Variants in ZNF385D observed in about 807,000 individuals in gnomAD.
The protein encoded by ZNF385D is zinc finger protein 385D, also known as zinc finger protein 659.
In ZNF385D, 15 loss-of-function variants were observed where a neutral mutation model predicts 35.8. That is an observed-to-expected ratio of 0.42 (90% CI 0.28 to 0.64). The LOEUF (loss-of-function observed/expected upper bound fraction) is 0.64. ZNF385D is among the 30% of genes least tolerant of loss of function. The pLI, the probability that ZNF385D is intolerant of heterozygous loss-of-function variation, is 0.23. For missense variants in ZNF385D, 474 were observed against 494.6 expected, an observed-to-expected ratio of 0.96 and a Z score of 0.39; for synonymous variants, 212 against 186.8, an observed-to-expected ratio of 1.13 and a Z score of -1.10.
intron 2 of ZNF385D, among the ~76,000 whole-genome samples, chr3:22,276,251 CA>C (rs1469761912): frequency 1.3e-5 from 2 of 151,972 alleles, no homozygotes; most frequent in African/African-American, 2.4e-5. Context: ...CAGTCTTCAG[CA>C]AAAAAGTTCA....
At chr3:21,917,525 T>C (rs1281570738) in intron 3 of ZNF385D, among the ~76,000 whole-genome samples, 1 of 152,204 alleles carries the variant, frequency 6.6e-6, no homozygotes, top group African/African-American at 2.4e-5. Context: ...AGCATTAGAA[T>C]AGAGACCTAC....
intron 1 of ZNF385D, among the ~76,000 whole-genome samples, chr3:21,735,284 C>T (rs1351273241): frequency 5.3e-5 from 8 of 152,094 alleles, no homozygotes; most frequent in Non-Finnish European, 1.0e-4. Flanking sequence ...AATAACAAGA[C>T]GATGAACCAA....
At chr3:21,984,160 T>C (rs1576083127) in intron 3 of ZNF385D, among the ~76,000 whole-genome samples, 2 of 134,772 alleles carry the variant, frequency 1.5e-5, no homozygotes, top group East Asian at 4.1e-4. Flanking sequence ...GCAGAAGCTC[T>C]TTAGTTTAAT....
At chr3:21,541,544 C>G (rs1269509553) in intron 3 of ZNF385D, among the ~76,000 whole-genome samples, 1 of 152,072 alleles carries the variant, frequency 6.6e-6, no homozygotes, top group Non-Finnish European at 1.5e-5. Context: ...CGAATGGCCA[C>G]AAAACCCCAA....
At chr3:21,438,213 T>C (rs1442585881) in intron 4 of ZNF385D, among the ~76,000 whole-genome samples, 1 of 152,160 alleles carries the variant, frequency 6.6e-6, no homozygotes, top group Non-Finnish European at 1.5e-5. Flanking sequence ...TCATATCCTA[T>C]CTACCCATAT....
rs188863260 is a variant in ZNF385D at position 21,701,989 on chromosome 3, G to A, written c.23-36961C>T. On this transcript the variant is annotated intron_variant, in intron 1 of 7. Coordinates refer to ENST00000281523, the MANE Select transcript of ZNF385D (RefSeq NM_024697.3). ...GCATTGAGTGTCTGCAGCTTTTCCAGGTGCATGGTGCAAGCGGTTGGTGGA... is the reference window on the plus strand; with the variant it reads ...GCATTGAGTGTCTGCAGCTTTTCCAAGTGCATGGTGCAAGCGGTTGGTGGA... Among the ~76,000 whole-genome samples the A allele has an allele frequency of 3.1e-4, 47 of 152,246 alleles. No individual in the cohort carries two copies. The South Asian group carries it at 4.2e-3, about 13-fold the overall frequency.
chr3:22,128,954 T>G (rs1703611002), intron 3 of ZNF385D, among the ~76,000 whole-genome samples: 1 of 152,152 alleles, frequency 6.6e-6, no homozygotes, highest in Non-Finnish European at 1.5e-5. Context: ...TGTCTATACC[T>G]GTCCTACTTG....
At chr3:22,242,743 T>G (rs1041213693) in intron 2 of ZNF385D, among the ~76,000 whole-genome samples, 1 of 151,120 alleles carries the variant, frequency 6.6e-6, no homozygotes, top group African/African-American at 2.4e-5. Flanking sequence ...ATAAAGACCA[T>G]AGTTAATGGA....
Position 22,185,887 on chromosome 3 carries a change from A to C in ZNF385D, c.107-16852T>G, listed in dbSNP as rs1006511474. On this transcript the variant is annotated intron_variant, in intron 2 of 5. Coordinates refer to the ZNF385D transcript ENST00000494108. ...GATGTTATTGCTGAGTGTATTGTACATTTAACCACGTGTTAACCTGATAAC... is the reference window on the plus strand; with the variant it reads ...GATGTTATTGCTGAGTGTATTGTACCTTTAACCACGTGTTAACCTGATAAC... Among the ~76,000 whole-genome samples, 54 of 152,330 alleles carry C rather than the reference A, an allele frequency of 3.5e-4. 1 individual carries two copies. The highest frequency in any genetic ancestry group is 1.2e-3 in the African/African-American group (48 of 41,586).
intron 1 of ZNF385D, among the ~76,000 whole-genome samples, chr3:21,730,143 C>A (rs1267096573): frequency 6.6e-6 from 1 of 152,178 alleles, no homozygotes; most frequent in Non-Finnish European, 1.5e-5. Context: ...TGGTCTTTCA[C>A]CTAATAGGCA....
At chr3:22,366,144 G>C (rs752266603) in intron 2 of ZNF385D, among the ~76,000 whole-genome samples, 2 of 152,028 alleles carry the variant, frequency 1.3e-5, no homozygotes, top group Non-Finnish European at 2.9e-5. Flanking sequence ...CTTCCTGGCT[G>C]TGTATATATT....
chr3:21,716,710 G>A (rs1227608960), intron 1 of ZNF385D, among the ~76,000 whole-genome samples: 2 of 152,038 alleles, frequency 1.3e-5, no homozygotes, highest in African/African-American at 4.8e-5. Flanking sequence ...ATACAGCATA[G>A]AGAACACTTT....
At chr3:21,717,160 C>G (rs2068356387) in intron 1 of ZNF385D, among the ~76,000 whole-genome samples, 1 of 152,124 alleles carries the variant, frequency 6.6e-6, no homozygotes, top group Admixed American at 6.5e-5. Context: ...CAAATTCTCA[C>G]TGAATACTGG....
intron 4 of ZNF385D, among the ~76,000 whole-genome samples, chr3:21,498,584 C>T: frequency 1.4e-5 from 1 of 71,856 alleles, no homozygotes; most frequent in Non-Finnish European, 2.8e-5. Context: ...ATACACATGG[C>T]CAAAAACATA....
intron 3 of ZNF385D, among the ~76,000 whole-genome samples, chr3:21,792,839 AT>A (rs763415258): frequency 2.0e-5 from 3 of 152,156 alleles, no homozygotes; most frequent in Non-Finnish European, 2.9e-5. Context: ...GATTGTTTTG[AT>A]TTTTTTAAAA....
chr3:22,018,211 T>G (rs917866479), intron 3 of ZNF385D, among the ~76,000 whole-genome samples: 1 of 151,588 alleles, frequency 6.6e-6, no homozygotes, highest in African/African-American at 2.4e-5. Context: ...TAGTTAGAAA[T>G]AAATATGACT....
chr3:22,221,802 T>C (rs543247221), intron 2 of ZNF385D, among the ~76,000 whole-genome samples: 1 of 152,214 alleles, frequency 6.6e-6, no homozygotes, highest in African/African-American at 2.4e-5. Flanking sequence ...TTTAAATTTA[T>C]CTTTGTGTGG....
At chr3:22,247,441 C>A (rs1030842215) in intron 2 of ZNF385D, among the ~76,000 whole-genome samples, 1 of 151,838 alleles carries the variant, frequency 6.6e-6, no homozygotes, top group Non-Finnish European at 1.5e-5. Context: ...CCTATGCCAA[C>A]AATTATGCCA....
chr3:21,622,734 A>T (rs2065040221), intron 2 of ZNF385D, among the ~76,000 whole-genome samples: 1 of 152,064 alleles, frequency 6.6e-6, no homozygotes, highest in Non-Finnish European at 1.5e-5. Context: ...TTTTTCATCT[A>T]AAATAATGTG....
Sources: gnomAD v4.1 joint callset for allele counts (sites outside exome capture counted in the v4.1 genomes callset) on GRCh38, gnomAD v4.1.1 for gene constraint, MANE v1.5 for transcripts, NCBI Gene and HGNC (gene_info 2026-07-23, HGNC 2026-07-21) for gene names.